The following MYH4 variants were observed in gnomAD, a reference collection of about 807,000 sequenced individuals.
MYH4 encodes the protein myosin heavy chain 4, also known as myosin-4.
Under a neutral mutation model 229.9 loss-of-function variants are expected in MYH4, and 200 were observed. The ratio of observed to expected loss-of-function variants is 0.87; its 90% CI spans 0.78 to 0.98. MYH4 has a LOEUF of 0.98. MYH4 is among the 50% of genes least tolerant of loss of function. MYH4 has a pLI of 0.00. For synonymous variants in MYH4, 761 were observed against 834.6 expected (o/e 0.91, Z 1.52); for missense variants, 2,148 against 2,332.6 (o/e 0.92, Z 1.63).
Position 10,464,593 on chromosome 17 carries a change from A to G in MYH4, c.534-7T>C, listed in dbSNP as rs775011019. On this transcript the variant is annotated splice_polypyrimidine_tract_variant and splice_region_variant and intron_variant, in intron 6 of 39. Transcript: ENST00000255381. ...CCCTGCACCAGATTCTCCACTATCA[A>G]GTTCAAACAGAAGAAAAGGTCAGAA... The G allele has an allele frequency of 5.1e-5, 82 of 1,613,994 alleles. No individual in the cohort carries two copies. The highest frequency in any genetic ancestry group is 1.0e-4 in the Admixed American group (6 of 60,004).
intron 35 of MYH4, 32 bp from the exon 36 acceptor site, chr17:10,445,394 ACATTTACTTAT>A: frequency 9.2e-7 from 1 of 1,087,910 alleles, no homozygotes; most frequent in Non-Finnish European, 1.3e-6. Flanking sequence ...GAAGAGAAGC[ACATTTACTTAT>A]AACAACTCAC....
In MYH4 at chr17:10,457,601, G is replaced by A. The variant is rs186063028; in HGVS notation, c.1716C>T (p.Ala572=). Residue 572 remains alanine, a synonymous_variant, in exon 16 of 40, where the codon GCC becomes GCT. Coordinates refer to ENST00000255381, the MANE Select transcript of MYH4 (RefSeq NM_017533.2). ...AGAAGTGAGCCTCAGGCTTGCCTTT[G>A]GCAGGCTTGGGCTTCTGGAAGTTGT... The part of the protein sequence containing the change: ...KSNNFQKPKP[A]KGKPEAHFSL... The A allele has an allele frequency of 6.2e-7, 1 of 1,614,180 alleles. No homozygotes were observed. Among genetic ancestry groups the A allele is most frequent in the African/African-American group, 1.3e-5 (1 of 75,038 alleles).
At chr17:10,454,493 C>T in intron 22 of MYH4, 62 bp downstream of exon 22, 3 of 1,561,880 alleles carry the variant, frequency 1.9e-6, no homozygotes, top group Non-Finnish European at 2.6e-6. Flanking sequence ...TCAGTGGAAA[C>T]CATTCATTTT....
In MYH4 at chr17:10,458,667, T is replaced by C. The variant is rs780572391; in HGVS notation, c.1587+584A>G. Among the ~76,000 whole-genome samples, 9 of 152,190 alleles carry C rather than the reference T, an allele frequency of 5.9e-5. No individual in the cohort carries two copies. In the South Asian group the frequency reaches 6.2e-4, roughly 11 times the overall value. On this transcript the variant is annotated intron_variant, in intron 15 of 39. Transcript: ENST00000255381. ...CTTTTGGAAGTGTTTAACGATTGCTTGATGAGTGTTAACATATCTAGATCT... is the reference window on the plus strand; with the variant it reads ...CTTTTGGAAGTGTTTAACGATTGCTCGATGAGTGTTAACATATCTAGATCT...
Position 10,456,576 on chromosome 17 carries a change from A to G in MYH4, c.1898-21T>C, listed in dbSNP as rs1374436799. On this transcript the variant is annotated intron_variant, in intron 16 of 39. Coordinates refer to ENST00000255381, the MANE Select transcript of MYH4 (RefSeq NM_017533.2). Reference sequence around the variant, plus strand: ...ACCCTCTAAAAAACAAAATGGGAAAAATAAAGTTATTTGCAACTGCCTTTT... The same window carrying G: ...ACCCTCTAAAAAACAAAATGGGAAAGATAAAGTTATTTGCAACTGCCTTTT... The G allele has an allele frequency of 3.7e-6, 6 of 1,607,488 alleles. No individual in the cohort carries two copies. The East Asian group carries it at 1.3e-4, about 36-fold the overall frequency.
chr17:10,443,908 T>A lies in MYH4; in HGVS notation c.5668-381A>T, dbSNP rs538338661. Among the ~76,000 whole-genome samples, 1 of 150,056 alleles carries A rather than the reference T, an allele frequency of 6.7e-6. No individual in the cohort carries two copies. Among genetic ancestry groups the A allele is most frequent in the South Asian group, 2.1e-4 (1 of 4,754 alleles). On this transcript the variant is annotated intron_variant, in intron 39 of 39. Transcript: ENST00000255381. This position sits in a 1 kb window ranked among gnomAD's most constrained non-coding sequence, Gnocchi z 4.6. ...AGCCTGGGCAACAAGAGCAAAACTC[T>A]GCCTCGAAAAAAAAAAAAAGAAGAG...
At chr17:10,466,516 A>C (rs2072769212) in intron 3 of MYH4, 26 bp downstream of exon 3, 1 of 1,613,914 alleles carries the variant, frequency 6.2e-7, no homozygotes, top group South Asian at 1.1e-5. Flanking sequence ...GGCAGAGTCT[A>C]ATTAGCTCCA....
Position 10,450,654 on chromosome 17 carries a change from A to C in MYH4, c.3985-5T>G. 1 of 1,613,864 alleles carries C rather than the reference A, an allele frequency of 6.2e-7. No individual in the cohort carries two copies. Among genetic ancestry groups the C allele is most frequent in the Non-Finnish European group, 8.5e-7 (1 of 1,179,878 alleles). ...ATGGGCCAGAGTGCTCTTGGCCTAG[A>C]CCAACCAAAAACTATGTGATATAAG... On this transcript the variant is annotated splice_polypyrimidine_tract_variant and splice_region_variant and intron_variant, in intron 29 of 39. Transcript: ENST00000255381.
At chr17:10,452,542 T>C (rs1473791285) in intron 25 of MYH4, 36 bp from the exon 26 acceptor site, 25 of 1,585,476 alleles carry the variant, frequency 1.6e-5, no homozygotes, top group Non-Finnish European at 2.1e-5. Context: ...TATAATCACT[T>C]CTCTTACCAA....
At chr17:10,459,143 T>C in intron 15 of MYH4, 108 bp downstream of exon 15, 4 of 1,548,700 alleles carry the variant, frequency 2.6e-6, no homozygotes, top group Non-Finnish European at 2.7e-6. Flanking sequence ...TATACGAGTG[T>C]GTCAGGAAAC....
At chr17:10,451,031 T>C (rs2072567020) in intron 28 of MYH4, 136 bp from the exon 29 acceptor site, 1 of 866,520 alleles carries the variant, frequency 1.2e-6, no homozygotes, top group South Asian at 1.8e-5. Context: ...GTTGAGAAGG[T>C]TATTTCTTGC....
At chr17:10,456,380 C>A in intron 17 of MYH4, 105 bp downstream of exon 17, 1 of 904,770 alleles carries the variant, frequency 1.1e-6, no homozygotes. Flanking sequence ...GTATACTGTA[C>A]TACTTTATTC....
At chr17:10,447,696 T>C (rs1366006548) in intron 34 of MYH4, 122 bp downstream of exon 34, 1 of 1,012,582 alleles carries the variant, frequency 9.9e-7, no homozygotes, top group Non-Finnish European at 1.5e-6. Context: ...AACTTTGAAC[T>C]TTGAACTGAT....
chr17:10,455,452 G>A (rs758711115), intron 19 of MYH4, among the ~76,000 whole-genome samples, 157 bp from the exon 20 acceptor site: 9 of 152,156 alleles, frequency 5.9e-5, no homozygotes, highest in Non-Finnish European at 1.3e-4. Context: ...CGGAAGATAT[G>A]ATGAAAAACT....
In MYH4 at chr17:10,457,741, A is replaced by G; in HGVS notation, c.1588-12T>C. ...AAGATGCCCATAGGCTAAGAATAGG[A>G]AAAAAGGGATGATAATGATGAGTCC... On this transcript the variant is annotated splice_polypyrimidine_tract_variant and intron_variant, in intron 15 of 39. Coordinates refer to ENST00000255381, the MANE Select transcript of MYH4 (RefSeq NM_017533.2). The G allele has an allele frequency of 1.2e-6, 2 of 1,608,046 alleles. No homozygotes were observed. Among genetic ancestry groups the G allele is most frequent in the Non-Finnish European group, 1.7e-6 (2 of 1,176,506 alleles).
At chr17:10,458,725 G>A (rs1437060559) in intron 15 of MYH4, among the ~76,000 whole-genome samples, 1 of 152,082 alleles carries the variant, frequency 6.6e-6, no homozygotes, top group African/African-American at 2.4e-5. Context: ...CTTAGTAATG[G>A]GGAATTCAGG....
At chr17:10,446,938 A>T in intron 35 of MYH4, 75 bp downstream of exon 35, 6 of 1,467,820 alleles carry the variant, frequency 4.1e-6, no homozygotes, top group Non-Finnish European at 5.6e-6. Context: ...TTTTTACTTT[A>T]TAAACAAGCT....
Position 10,450,884 on chromosome 17 carries a change from G to T in MYH4, c.3877C>A (p.Arg1293=), listed in dbSNP as rs763090716. ...ATAGCATCTTTTTCATCTAGCTGTCGTGAAAACTCACCTGTGGAAGACAAA... is the reference window on the plus strand; with the variant it reads ...ATAGCATCTTTTTCATCTAGCTGTCTTGAAAACTCACCTGTGGAAGACAAA... ...RLHTESGEFS[R]QLDEKDAMVS... is the part of the protein sequence containing the mutation. Residue 1293 remains arginine, a synonymous_variant, in exon 29 of 40, where the codon CGA becomes AGA. Transcript: ENST00000255381. The T allele has an allele frequency of 6.2e-7, 1 of 1,613,290 alleles. No individual in the cohort carries two copies. Among genetic ancestry groups the T allele is most frequent in the South Asian group, 1.1e-5 (1 of 91,062 alleles).
intron 34 of MYH4, 51 bp from the exon 35 acceptor site, chr17:10,447,267 G>T: frequency 6.6e-7 from 1 of 1,518,780 alleles, no homozygotes; most frequent in Non-Finnish European, 9.1e-7. Context: ...TAAAGCAAAT[G>T]CAAACTTATG....
Sources: gnomAD v4.1 joint callset for allele counts (sites outside exome capture counted in the v4.1 genomes callset) on GRCh38, gnomAD v4.1.1 for gene constraint, Gnocchi (gnomAD v3.1) non-coding constraint, MANE v1.5 for transcripts, NCBI Gene and HGNC (gene_info 2026-07-23, HGNC 2026-07-21) for gene names.